MTMR2: variants seen among roughly 807,000 people sequenced by gnomAD.
MTMR2 encodes myotubularin related protein 2, also known as phosphatidylinositol-3,5-bisphosphate 3-phosphatase MTMR2.
Under a neutral mutation model 86.9 loss-of-function variants are expected in MTMR2, and 55 were observed. The observed-to-expected ratio is 0.63, with a 90% CI of 0.51 to 0.79. MTMR2 has a LOEUF of 0.79. MTMR2 is among the 30% of genes least tolerant of loss of function. The pLI is 0.00. For synonymous variants in MTMR2, 241 were observed against 266.8 expected (o/e 0.90, Z 0.94); for missense variants, 659 against 772.3 (o/e 0.85, Z 1.74).
intron 13 of MTMR2, among the ~76,000 whole-genome samples, chr11:95,837,200 G>A (rs1465036209): frequency 6.6e-6 from 1 of 151,930 alleles, no homozygotes; most frequent in Non-Finnish European, 1.5e-5. Flanking sequence ...CTGCCTTTAA[G>A]GAAGTCTAGG....
chr11:95,896,165 C>G (rs1283912731), intron 1 of MTMR2, among the ~76,000 whole-genome samples: 3 of 152,058 alleles, frequency 2.0e-5, no homozygotes, highest in Non-Finnish European at 4.4e-5. Context: ...TGAAATATCA[C>G]CTCCTTGGGA....
chr11:95,851,055 C>CTTTTTT (rs55809121), intron 7 of MTMR2, among the ~76,000 whole-genome samples: 2 of 93,392 alleles, frequency 2.1e-5, no homozygotes, highest in East Asian at 3.0e-4. Context: ...TCAAATATTC[C>CTTTTTT]TTTTTTTTTT....
chr11:95,914,185 C>A (rs1441089560), intron 1 of MTMR2: 3 of 978,122 alleles, frequency 3.1e-6, no homozygotes, highest in Non-Finnish European at 3.6e-6. Context: ...TCCAGAAATA[C>A]TGTTGGCAAT....
chr11:95,891,090 T>C (rs1865698277), intron 1 of MTMR2, among the ~76,000 whole-genome samples: 1 of 152,126 alleles, frequency 6.6e-6, no homozygotes, highest in African/African-American at 2.4e-5. Flanking sequence ...AACTTGAAAT[T>C]ATGGAGAGTG....
chr11:95,878,277 G>T (rs993418299), intron 2 of MTMR2, among the ~76,000 whole-genome samples: 1 of 150,172 alleles, frequency 6.7e-6, no homozygotes, highest in Non-Finnish European at 1.5e-5. Context: ...GTGATTGCCT[G>T]GTGTTCAGGG....
At position 95,835,722 on chromosome 11, in the gene MTMR2, C is replaced by G. The variant is rs543703074; in HGVS notation, c.1771-271G>C. 6.6e-5 allele frequency among the ~76,000 whole-genome samples: 10 copies of G among 152,076 alleles called. No individual in the cohort carries two copies. In the South Asian group the frequency reaches 2.1e-3, roughly 32 times the overall value. ...CAAATACAACAAATAATTAACAAGA[C>G]AATTAAAAGACAGTAGTCAGAAGAT... On this transcript the variant is annotated intron_variant, in intron 14 of 14. Coordinates refer to ENST00000346299, the MANE Select transcript of MTMR2 (RefSeq NM_016156.6).
intron 1 of MTMR2, among the ~76,000 whole-genome samples, chr11:95,915,480 T>G (rs910638012): frequency 6.6e-6 from 1 of 152,156 alleles, no homozygotes; most frequent in African/African-American, 2.4e-5. Flanking sequence ...CTCCTTATGT[T>G]TGAAATTATA....
intron 1 of MTMR2, among the ~76,000 whole-genome samples, chr11:95,888,942 A>G (rs1302801901): frequency 2.0e-5 from 3 of 152,174 alleles, no homozygotes; most frequent in African/African-American, 7.2e-5. Context: ...ATCAAAGTCT[A>G]CAGAACATCT....
chr11:95,877,332 CTTTTTTTTTTTTTTT>C (rs764782930), intron 2 of MTMR2, among the ~76,000 whole-genome samples: 1 of 106,272 alleles, frequency 9.4e-6, no homozygotes, highest in Non-Finnish European at 1.9e-5. Flanking sequence ...CAGGGAAGCC[CTTTTTTTTTTTTTTT>C]TTTTTTTTTT....
rs770633107 is a variant in MTMR2 at position 95,850,732 on chromosome 11, G to C, written c.672C>G (p.Ser224Arg). Residue 224 changes from serine (S) to arginine (R), a missense_variant, in exon 8 of 15, where the codon AGC becomes AGG. Coordinates refer to ENST00000346299, the MANE Select transcript of MTMR2 (RefSeq NM_016156.6). ...EYRRQGIPNE[S>R]WRITKINERY... ...GTTCATTTATCTTTGTTATTCTCCA[G>C]CTTTCATTTGGAATTCCCTACATGT... The C allele has an allele frequency of 6.2e-7, 1 of 1,613,856 alleles. No homozygotes were observed. The highest frequency in any genetic ancestry group is 8.5e-7 in the Non-Finnish European group (1 of 1,179,846).
At chr11:95,870,391 G>A (rs1864809182) in intron 2 of MTMR2, among the ~76,000 whole-genome samples, 1 of 152,002 alleles carries the variant, frequency 6.6e-6, no homozygotes, top group African/African-American at 2.4e-5. Flanking sequence ...CAGATGGCAT[G>A]GTCAAGGAGG....
At chr11:95,854,735 G>A (rs921130607) in intron 7 of MTMR2, among the ~76,000 whole-genome samples, 17 of 151,672 alleles carry the variant, frequency 1.1e-4, no homozygotes, top group Non-Finnish European at 2.5e-4. Context: ...CAAAGTGCTG[G>A]GGTCACAGGT....
At chr11:95,864,252 G>A (rs911944183) in intron 3 of MTMR2, among the ~76,000 whole-genome samples, 14 of 152,228 alleles carry the variant, frequency 9.2e-5, no homozygotes, top group Middle Eastern at 6.8e-3. Flanking sequence ...TTTAGATATG[G>A]TCAACCGAAA....
chr11:95,915,022 T>G (rs1476715213), intron 1 of MTMR2, among the ~76,000 whole-genome samples: 1 of 152,210 alleles, frequency 6.6e-6, no homozygotes, highest in Non-Finnish European at 1.5e-5. Context: ...ATTGTTGTGT[T>G]TAATATTAAC....
At chr11:95,881,727 A>G (rs1865327956) in intron 2 of MTMR2, among the ~76,000 whole-genome samples, 1 of 152,152 alleles carries the variant, frequency 6.6e-6, no homozygotes, top group Non-Finnish European at 1.5e-5. Context: ...TAGTTTGTAT[A>G]TAGATTTTCT....
chr11:95,891,429 C>A (rs1293328033), intron 1 of MTMR2, among the ~76,000 whole-genome samples: 1 of 145,974 alleles, frequency 6.9e-6, no homozygotes, highest in Admixed American at 7.0e-5. Context: ...CCAGCCTGGG[C>A]AACAGAGCAA....
intron 1 of MTMR2, among the ~76,000 whole-genome samples, chr11:95,921,207 C>T (rs1376039933): frequency 6.6e-6 from 1 of 152,154 alleles, no homozygotes; most frequent in Non-Finnish European, 1.5e-5. Flanking sequence ...TGTAGCTAAA[C>T]TCAGCAGAAA....
chr11:95,862,203 T>A, intron 4 of MTMR2, 69 bp downstream of exon 4: 2 of 1,544,002 alleles, frequency 1.3e-6, no homozygotes. Context: ...TTAGAAATGA[T>A]CAGAAATGAA....
At chr11:95,851,278 T>C (rs1436080559) in intron 7 of MTMR2, among the ~76,000 whole-genome samples, 1 of 151,792 alleles carries the variant, frequency 6.6e-6, no homozygotes, top group African/African-American at 2.4e-5. Flanking sequence ...GGTTTCAATC[T>C]CCTGACCACC....
Sources: allele counts gnomAD v4.1 joint callset (sites outside exome capture counted in the v4.1 genomes callset), GRCh38; gene constraint gnomAD v4.1.1; transcripts MANE v1.5; gene names NCBI Gene and HGNC (gene_info 2026-07-23, HGNC 2026-07-21).